The following POLA1 variants were observed in gnomAD, a reference collection of about 807,000 sequenced individuals.
POLA1 encodes the protein DNA polymerase alpha catalytic subunit.
POLA1 carries 15 observed loss-of-function variants against 124.0 expected under a neutral mutation model. That is an observed-to-expected ratio of 0.12 (90% CI 0.08 to 0.19). The LOEUF (loss-of-function observed/expected upper bound fraction) is 0.19. POLA1 is among the 10% of genes least tolerant of loss of function. The pLI, the probability that POLA1 is intolerant of heterozygous loss-of-function variation, is 1.00. For synonymous variants in POLA1, 408 were observed against 389.4 expected (o/e 1.05, Z -0.56); for missense variants, 886 against 1,103.4 (o/e 0.80, Z 2.79).
intron 26 of POLA1, among the ~76,000 whole-genome samples, chrX:24,762,977 A>T (rs1306304967): frequency 1.8e-5 from 2 of 110,876 alleles, no homozygotes; most frequent in Non-Finnish European, 3.8e-5. Context: ...ACCTCAAATG[A>T]TCCACCCACC....
intron 34 of POLA1, among the ~76,000 whole-genome samples, chrX:24,882,694 T>G (rs1279382047): frequency 2.8e-5 from 3 of 106,194 alleles, no homozygotes; most frequent in Admixed American, 1.0e-4. Context: ...GGTGTGTGTG[T>G]GTGTGTGTGT....
At position 24,693,951 on chromosome X, in the gene POLA1, G is replaced by C; in HGVS notation, c.-11G>C. The C allele has an allele frequency of 8.4e-7, 1 of 1,193,271 alleles. No individual in the cohort carries two copies. The highest frequency in any genetic ancestry group is 1.1e-6 in the Non-Finnish European group (1 of 885,741). ...TGGGCTGGTTGGCGCGGAATCGGGA[G>C]ATTCGGGACCATGGCACCTGTGCAC... On this transcript the variant is annotated 5_prime_UTR_variant, in exon 1 of 37. Coordinates refer to ENST00000379068, the MANE Select transcript of POLA1 (RefSeq NM_001330360.2).
chrX:24,918,178 T>G (rs1379840866), intron 35 of POLA1, among the ~76,000 whole-genome samples: 1 of 105,440 alleles, frequency 9.5e-6, no homozygotes, highest in Non-Finnish European at 1.9e-5. Context: ...TGCTGAAGGA[T>G]AGCTGATACA....
intron 35 of POLA1, among the ~76,000 whole-genome samples, chrX:24,924,753 A>G (rs2047666336): frequency 8.9e-6 from 1 of 111,988 alleles, no homozygotes; most frequent in South Asian, 3.8e-4. Flanking sequence ...ATCTTTAATC[A>G]AGACCAGAAG....
chrX:24,994,771 C>A (rs1276986338), intron 36 of POLA1, among the ~76,000 whole-genome samples: 4 of 98,025 alleles, frequency 4.1e-5, no homozygotes, highest in Admixed American at 3.4e-4. Flanking sequence ...GTGGGGGGGG[C>A]GCGGGGAAAG....
At chrX:24,882,361 G>A (rs11573453) in intron 34 of POLA1, among the ~76,000 whole-genome samples, 1,981 of 111,231 alleles carry the variant, frequency 0.018, 46 homozygotes, top group African/African-American at 0.062. Flanking sequence ...GGGGGCACAC[G>A]TGCAGGTTTG....
At chrX:24,821,729 G>A in intron 31 of POLA1, 146 bp downstream of exon 31, 1 of 416,807 alleles carries the variant, frequency 2.4e-6, no homozygotes, top group Non-Finnish European at 4.1e-6. Flanking sequence ...AAACATTAGA[G>A]GTGTGGCATA....
intron 26 of POLA1, among the ~76,000 whole-genome samples, chrX:24,807,786 G>T (rs1189203919): frequency 9.0e-6 from 1 of 111,344 alleles, no homozygotes; most frequent in African/African-American, 3.3e-5. Flanking sequence ...TATGGGCTGG[G>T]CCAGTCAGCT....
intron 24 of POLA1, among the ~76,000 whole-genome samples, 179 bp from the exon 25 acceptor site, chrX:24,748,132 A>G (rs1312018464): frequency 8.9e-6 from 1 of 112,461 alleles, no homozygotes; most frequent in African/African-American, 3.2e-5. Context: ...GAAGAGGGCA[A>G]TCATGACCTG....
At chrX:24,761,313 G>C (rs1484752350) in intron 26 of POLA1, among the ~76,000 whole-genome samples, 1 of 111,739 alleles carries the variant, frequency 8.9e-6, no homozygotes, top group East Asian at 2.8e-4. Flanking sequence ...GAGTTGAGCG[G>C]AGATGGGAGT....
chrX:24,881,716 C>T (rs1371010223), intron 34 of POLA1, among the ~76,000 whole-genome samples: 2 of 111,292 alleles, frequency 1.8e-5, no homozygotes, highest in African/African-American at 6.5e-5. Context: ...GTGTGTTCAG[C>T]GTTAGGTGGA....
chrX:24,889,398 A>C (rs2047113955), intron 35 of POLA1, among the ~76,000 whole-genome samples: 1 of 112,311 alleles, frequency 8.9e-6, no homozygotes, highest in Admixed American at 9.4e-5. Context: ...AAGTATATCT[A>C]GCAGATGCTG....
At chrX:24,913,959 C>T (rs1387395214) in intron 35 of POLA1, among the ~76,000 whole-genome samples, 6 of 108,881 alleles carry the variant, frequency 5.5e-5, no homozygotes, top group Non-Finnish European at 9.5e-5. Flanking sequence ...ACCCAGGAGG[C>T]GGAGGTTGCA....
chrX:24,736,369 G>T (rs1240457829), intron 18 of POLA1, among the ~76,000 whole-genome samples: 1 of 111,707 alleles, frequency 9.0e-6, no homozygotes, highest in Non-Finnish European at 1.9e-5. Flanking sequence ...GTTCCAAAAA[G>T]ATTCTGTCCA....
intron 36 of POLA1, among the ~76,000 whole-genome samples, chrX:24,933,191 GAC>G (rs1298934753): frequency 3.8e-4 from 43 of 111,874 alleles, no homozygotes; most frequent in African/African-American, 1.3e-3. Flanking sequence ...CTAAATAAAA[GAC>G]AATTGAATGC....
At chrX:24,830,301 A>T (rs975744739) in intron 32 of POLA1, among the ~76,000 whole-genome samples, 9 of 111,713 alleles carry the variant, frequency 8.1e-5, no homozygotes. Context: ...CCCCATCAAG[A>T]TACCTCCTGA....
At chrX:24,886,472 A>G (rs2047067017) in intron 34 of POLA1, among the ~76,000 whole-genome samples, 1 of 112,065 alleles carries the variant, frequency 8.9e-6, no homozygotes, top group Admixed American at 9.5e-5. Flanking sequence ...ATACAGATCT[A>G]TAATACACTT....
intron 35 of POLA1, among the ~76,000 whole-genome samples, chrX:24,896,130 G>T (rs1601846024): frequency 8.9e-6 from 1 of 111,742 alleles, no homozygotes; most frequent in African/African-American, 3.3e-5. Context: ...CCTTAACTGG[G>T]GGCAGTTTTG....
chrX:24,742,128 C>A lies in POLA1; in HGVS notation c.2466+7C>A, dbSNP rs761982409. 2 of 1,189,389 alleles carry A rather than the reference C, an allele frequency of 1.7e-6. No homozygotes were observed. Among genetic ancestry groups the A allele is most frequent in the Non-Finnish European group, 1.1e-6 (1 of 883,395 alleles). ...AAAGCCTCAGCAAAAACTGGTGGGT[C>A]CAAAACTGTGTAGTATTTTGTTTTC... On this transcript the variant is annotated splice_region_variant and intron_variant, in intron 22 of 36. Transcript: ENST00000379068.
Sources: gnomAD v4.1 joint callset for allele counts (sites outside exome capture counted in the v4.1 genomes callset) on GRCh38, gnomAD v4.1.1 for gene constraint, MANE v1.5 for transcripts, NCBI Gene and HGNC (gene_info 2026-07-23, HGNC 2026-07-21) for gene names.